The following TSPAN12 variants were observed in gnomAD, a reference collection of about 807,000 sequenced individuals.
The protein encoded by TSPAN12 is tetraspanin 12.
Under a neutral mutation model 39.2 loss-of-function variants are expected in TSPAN12, and 19 were observed. The observed-to-expected ratio is 0.49, with a 90% confidence interval of 0.34 to 0.71. The LOEUF is 0.71. TSPAN12 is among the 30% of genes least tolerant of loss of function. The probability of loss-of-function intolerance (pLI) is 0.01; values close to 1 mark genes in which losing one functional copy is unlikely to be tolerated. For synonymous variants in TSPAN12, 119 were observed against 124.8 expected (o/e 0.95, Z 0.31); for missense variants, 314 against 359.9 (o/e 0.87, Z 1.03).
chr7:120,813,472 T>A (rs1411071867), intron 5 of TSPAN12, among the ~76,000 whole-genome samples: 1 of 152,220 alleles, frequency 6.6e-6, no homozygotes, highest in Non-Finnish European at 1.5e-5. Context: ...TCATTTCAAT[T>A]TCCTCATATT....
intron 4 of TSPAN12, 135 bp downstream of exon 4, chr7:120,838,642 G>T: frequency 1.1e-6 from 1 of 878,476 alleles, no homozygotes; most frequent in Non-Finnish European, 1.8e-6. Flanking sequence ...ATAATCTCTT[G>T]TGAAACGAAA....
chr7:120,825,747 C>A (rs1018387819), intron 4 of TSPAN12, among the ~76,000 whole-genome samples: 2 of 152,172 alleles, frequency 1.3e-5, no homozygotes, highest in Non-Finnish European at 2.9e-5. Context: ...AACAGCCATC[C>A]TTCTATTAAG....
At chr7:120,806,465 AATTTC>A in intron 7 of TSPAN12, 79 bp downstream of exon 7, 2 of 1,521,652 alleles carry the variant, frequency 1.3e-6, no homozygotes, top group Non-Finnish European at 1.8e-6. Context: ...AGAGAAGGAA[AATTTC>A]ATTGGCATAT....
At chr7:120,834,415 G>T (rs1219512521) in intron 4 of TSPAN12, among the ~76,000 whole-genome samples, 1 of 152,148 alleles carries the variant, frequency 6.6e-6, no homozygotes, top group East Asian at 1.9e-4. Context: ...TCCAATAGGT[G>T]GCCTCTTAGC....
intron 4 of TSPAN12, among the ~76,000 whole-genome samples, chr7:120,825,257 TAA>T (rs547799396): frequency 1.4e-4 from 22 of 152,206 alleles, no homozygotes; most frequent in African/African-American, 4.6e-4. Context: ...ATAAACAACA[TAA>T]AAGTTATTTT....
chr7:120,852,113 TCA>T (rs1021487046), intron 2 of TSPAN12, among the ~76,000 whole-genome samples: 29 of 152,292 alleles, frequency 1.9e-4, no homozygotes, highest in African/African-American at 1.4e-4. Context: ...AAAAAAACTC[TCA>T]GTTTGATTTT....
intron 2 of TSPAN12, among the ~76,000 whole-genome samples, chr7:120,848,176 T>C (rs1794708037): frequency 1.3e-5 from 2 of 152,166 alleles, no homozygotes; most frequent in African/African-American, 2.4e-5. Flanking sequence ...AGCTTGAACA[T>C]CAAGTCCAGT....
At chr7:120,831,660 G>A (rs1445513028) in intron 4 of TSPAN12, among the ~76,000 whole-genome samples, 1 of 151,870 alleles carries the variant, frequency 6.6e-6, no homozygotes, top group Middle Eastern at 3.2e-3. Flanking sequence ...AGAGGAGGAG[G>A]GTGAAAGGAT....
intron 4 of TSPAN12, among the ~76,000 whole-genome samples, chr7:120,834,677 A>G (rs1794445129): frequency 6.6e-6 from 1 of 152,222 alleles, no homozygotes; most frequent in Admixed American, 6.5e-5. Context: ...AATCTGTTTT[A>G]CAGCTCTTAA....
chr7:120,821,155 G>GA (rs1475069045), intron 4 of TSPAN12, among the ~76,000 whole-genome samples: 1 of 151,888 alleles, frequency 6.6e-6, no homozygotes, highest in African/African-American at 2.4e-5. Flanking sequence ...CAGAGTTCCT[G>GA]AAAATATCTA....
At position 120,825,401 on chromosome 7, in the gene TSPAN12, C is replaced by T. The variant is rs546350708; in HGVS notation, c.286-9598G>A. ...ATTGATACAACCTGTGATTCATCTC[C>T]CCCCAACTAAAAGTTATTTCAAAAT... is the stretch of plus-strand genomic sequence containing the variant. On this transcript the variant is annotated intron_variant, in intron 4 of 7. Transcript: ENST00000222747. Among the ~76,000 whole-genome samples the T allele has an allele frequency of 1.1e-4, 17 of 152,174 alleles. No individual in the cohort carries two copies. In the South Asian group the frequency reaches 3.3e-3, roughly 30 times the overall value.
chr7:120,855,120 A>G (rs1794846893), intron 2 of TSPAN12, among the ~76,000 whole-genome samples: 1 of 152,228 alleles, frequency 6.6e-6, no homozygotes, highest in African/African-American at 2.4e-5. Flanking sequence ...GTAAAGTATT[A>G]ACAAATTTTT....
At chr7:120,795,302 A>G (rs1046252364) in intron 7 of TSPAN12, among the ~76,000 whole-genome samples, 4 of 152,230 alleles carry the variant, frequency 2.6e-5, no homozygotes, top group African/African-American at 9.6e-5. Context: ...CATGTTGGCT[A>G]ACCTACTTTA....
chr7:120,806,008 A>T (rs989499851), intron 7 of TSPAN12, among the ~76,000 whole-genome samples: 4 of 152,266 alleles, frequency 2.6e-5, no homozygotes, highest in African/African-American at 9.6e-5. Flanking sequence ...TTTCCTGGCC[A>T]CATGAGGATT....
chr7:120,849,835 C>T (rs187001284), intron 2 of TSPAN12, among the ~76,000 whole-genome samples: 22 of 152,328 alleles, frequency 1.4e-4, no homozygotes, highest in Non-Finnish European at 2.2e-4. Context: ...GATCCTCCTG[C>T]CTTGGCCTCC....
rs575911802 is a variant in TSPAN12, at chr7:120,839,331, T to C, written c.150-419A>G. 7.2e-5 allele frequency among the ~76,000 whole-genome samples: 11 copies of C among 152,266 alleles called. No homozygotes were observed. The East Asian group carries it at 7.7e-4, about 11-fold the overall frequency. On this transcript the variant is annotated intron_variant, in intron 3 of 7. Coordinates refer to ENST00000222747, the MANE Select transcript of TSPAN12 (RefSeq NM_012338.4). ...GCACTACGTTTCTTCTCCCTGACAA[T>C]TGATCCTCCCCCAAAATGTAAAAGA...
intron 4 of TSPAN12, among the ~76,000 whole-genome samples, chr7:120,831,163 T>C (rs1224469823): frequency 6.6e-6 from 1 of 152,028 alleles, no homozygotes; most frequent in African/African-American, 2.4e-5. Flanking sequence ...TTGGCAAGGC[T>C]GTGGGGGAAA....
chr7:120,817,862 A>G (rs1366638321), intron 4 of TSPAN12, among the ~76,000 whole-genome samples: 1 of 152,172 alleles, frequency 6.6e-6, no homozygotes, highest in East Asian at 1.9e-4. Context: ...CACTGGACTG[A>G]AAGCTCCACT....
intron 4 of TSPAN12, among the ~76,000 whole-genome samples, chr7:120,824,112 A>G (rs116244858): frequency 6.6e-6 from 1 of 152,124 alleles, no homozygotes; most frequent in East Asian, 1.9e-4. Flanking sequence ...ACAAAAATAT[A>G]AAAAATGTAT....
Sources: gnomAD v4.1 joint callset for allele counts (sites outside exome capture counted in the v4.1 genomes callset) on GRCh38, gnomAD v4.1.1 for gene constraint, MANE v1.5 for transcripts, NCBI Gene and HGNC (gene_info 2026-07-23, HGNC 2026-07-21) for gene names.